The following ESRP1 variants were observed in gnomAD, a reference collection of about 807,000 sequenced individuals.
ESRP1 encodes the protein epithelial splicing regulatory protein 1, also known as RNA-binding motif protein 35A.
A neutral mutation model predicts 81.7 loss-of-function variants in ESRP1; 33 were observed. The ratio of observed to expected loss-of-function variants is 0.40; its 90% CI spans 0.31 to 0.54. The LOEUF (loss-of-function observed/expected upper bound fraction) is 0.54, where lower values mean the gene tolerates loss of function less well. Ranked by LOEUF, ESRP1 falls within the 20% of genes least tolerant of loss-of-function variation. The pLI is 0.41. For missense variants in ESRP1, 672 were observed against 833.1 expected (o/e 0.81, Z 2.38); for synonymous variants, 320 against 303.3 (o/e 1.06, Z -0.57).
chr8:94,706,051 T>C lies in ESRP1; in HGVS notation c.*162T>C. On this transcript the variant is annotated 3_prime_UTR_variant, in exon 16 of 16. Transcript: ENST00000433389. ...AAACTTGATTGGACAAACGGGCCTG[T>C]GCCTTATCTTTTGGTGGAGTGAAAA... is the stretch of plus-strand genomic sequence containing the variant. The C allele has an allele frequency of 2.5e-6, 3 of 1,176,778 alleles. No homozygotes were observed. The highest frequency in any genetic ancestry group is 2.4e-6 in the Non-Finnish European group (2 of 847,410). The allele number at this position is 1,176,778 out of a possible 1,614,324, so 72.9% of individuals were successfully genotyped here. A position where few individuals can be genotyped will look rare whatever the true frequency, so the allele number is the denominator to read the frequency against.
chr8:94,646,435 T>C, intron 4 of ESRP1, 153 bp downstream of exon 4: 1 of 537,816 alleles, frequency 1.9e-6, no homozygotes, highest in Non-Finnish European at 3.3e-6. Context: ...TAAAATACAA[T>C]TATAGACATC....
chr8:94,683,278 A>G (rs1431612801), intron 13 of ESRP1, among the ~76,000 whole-genome samples: 2 of 152,096 alleles, frequency 1.3e-5, no homozygotes, highest in Non-Finnish European at 2.9e-5. Context: ...TGTATGTGTT[A>G]CTAAACACAT....
intron 13 of ESRP1, among the ~76,000 whole-genome samples, chr8:94,685,947 T>C (rs1478195761): frequency 1.3e-5 from 2 of 152,232 alleles, no homozygotes; most frequent in East Asian, 3.9e-4. Flanking sequence ...ACTTAATACC[T>C]ATATATGTTG....
intron 4 of ESRP1, 79 bp from the exon 5 acceptor site, chr8:94,662,193 G>A: frequency 1.2e-6 from 1 of 841,488 alleles, no homozygotes. Flanking sequence ...CTTCCTCTTG[G>A]CTTGGTATAG....
intron 13 of ESRP1, chr8:94,688,314 T>A (rs1454226891): frequency 2.0e-5 from 4 of 199,704 alleles, no homozygotes; most frequent in Admixed American, 5.2e-5. Flanking sequence ...CTTAGAAGGC[T>A]GTGCCCAGTG....
intron 15 of ESRP1, among the ~76,000 whole-genome samples, chr8:94,702,758 T>C (rs1433409199): frequency 6.6e-6 from 1 of 152,052 alleles, no homozygotes; most frequent in Non-Finnish European, 1.5e-5. Context: ...GCTGGGATTA[T>C]AGGTGTGAGC....
chr8:94,662,592 C>CT lies in ESRP1; in HGVS notation c.644+39dup, dbSNP rs777006375. ...AGTACTATTTATTTGAGCTTTTTAA[C>CT]TTGTTTTTTTTTTTTGTCTGTTTGT... On this transcript the variant is annotated intron_variant, in intron 6 of 15. Coordinates refer to ENST00000433389, the MANE Select transcript of ESRP1 (RefSeq NM_017697.4). The CT allele has an allele frequency of 3.4e-4, 463 of 1,366,154 alleles. No individual in the cohort carries two copies. The East Asian group carries it at 6.6e-3, about 19-fold the overall frequency. 84.6% of individuals were successfully genotyped at this position (1,366,154 alleles called of 1,614,324 possible). A position where few individuals can be genotyped will look rare whatever the true frequency, so the allele number is the denominator to read the frequency against.
chr8:94,681,197 G>A (rs1223988847), intron 13 of ESRP1, among the ~76,000 whole-genome samples: 1 of 151,634 alleles, frequency 6.6e-6, no homozygotes, highest in Admixed American at 6.6e-5. Flanking sequence ...GTGGTGATGG[G>A]TGCCTATAGT....
chr8:94,700,538 T>C (rs549631230), intron 15 of ESRP1, among the ~76,000 whole-genome samples: 10 of 152,348 alleles, frequency 6.6e-5, no homozygotes, highest in Admixed American at 2.6e-4. Context: ...AGTTTCTCAT[T>C]CCTGGCCTCC....
At chr8:94,643,882 G>A (rs1463409268) in intron 3 of ESRP1, among the ~76,000 whole-genome samples, 1 of 151,946 alleles carries the variant, frequency 6.6e-6, no homozygotes, top group Non-Finnish European at 1.5e-5. Flanking sequence ...TCCTAGAAAG[G>A]AAGGAAAAAA....
chr8:94,691,795 T>G (rs1328246020), intron 13 of ESRP1, among the ~76,000 whole-genome samples: 1 of 152,210 alleles, frequency 6.6e-6, no homozygotes, highest in Non-Finnish European at 1.5e-5. Flanking sequence ...ATATTACTCT[T>G]TAGGCTGATG....
chr8:94,666,581 T>G (rs1819026715), intron 9 of ESRP1, among the ~76,000 whole-genome samples: 1 of 152,212 alleles, frequency 6.6e-6, no homozygotes, highest in Admixed American at 6.5e-5. Context: ...ACATTTGTAT[T>G]CCTACATTAC....
chr8:94,702,793 C>T (rs1259755981), intron 15 of ESRP1, among the ~76,000 whole-genome samples: 2 of 152,078 alleles, frequency 1.3e-5, no homozygotes, highest in Non-Finnish European at 2.9e-5. Flanking sequence ...TTCAAGTGAG[C>T]CTTTTACCTT....
intron 13 of ESRP1, among the ~76,000 whole-genome samples, chr8:94,691,009 ATCTAAC>A (rs1395170642): frequency 2.6e-5 from 4 of 152,208 alleles, no homozygotes; most frequent in Non-Finnish European, 5.9e-5. Context: ...TTGAGAAATT[ATCTAAC>A]TCTTAGTTTC....
In ESRP1 at chr8:94,660,744, C is replaced by A. The variant is rs28799730; in HGVS notation, c.491-1528C>A. ...AAAAAAAAAAAAAAAAAAAAAAAAA[C>A]CAAAACAAACAAACAAACAAAAAAC... On this transcript the variant is annotated intron_variant, in intron 4 of 15. Transcript: ENST00000433389. Among the ~76,000 whole-genome samples, 181 of 62,586 alleles carry A rather than the reference C, an allele frequency of 2.9e-3. 1 individual carries two copies. Among genetic ancestry groups the A allele is most frequent in the African/African-American group, 6.7e-3 (130 of 19,428 alleles). The allele number at this position is 62,586 out of a possible 152,430, so 41.1% of individuals were successfully genotyped here.
intron 15 of ESRP1, among the ~76,000 whole-genome samples, chr8:94,700,430 G>C (rs1355369497): frequency 6.6e-6 from 1 of 152,222 alleles, no homozygotes; most frequent in East Asian, 1.9e-4. Context: ...GAGAGCTGTT[G>C]ACACAGCCCA....
chr8:94,700,009 T>C (rs2130736115), intron 15 of ESRP1, among the ~76,000 whole-genome samples: 1 of 152,266 alleles, frequency 6.6e-6, no homozygotes, highest in South Asian at 2.1e-4. Context: ...AGACCCACCA[T>C]AACCCTGCAA....
chr8:94,665,193 G>T lies in ESRP1; in HGVS notation c.928G>T (p.Gly310Cys). Residue 310 changes from glycine (G) to cysteine (C), a missense_variant, in exon 9 of 16, where the codon GGT becomes TGT. Coordinates refer to ENST00000433389, the MANE Select transcript of ESRP1 (RefSeq NM_017697.4). ...AGGTGAAGATTTCCTTAAAATTGCT[G>T]GTGGTAAGTGCCTTTTACATAATGT... ...ATGEDFLKIA[G>C]GTSNEVAQFL... 6.2e-7 allele frequency: 1 copy of T among 1,612,392 alleles called. No homozygotes were observed. Among genetic ancestry groups the T allele is most frequent in the Non-Finnish European group, 8.5e-7 (1 of 1,179,248 alleles).
Position 94,662,221 on chromosome 8 carries a change from A to G in ESRP1, c.491-51A>G, listed in dbSNP as rs577003082. The G allele has an allele frequency of 2.4e-4, 275 of 1,162,348 alleles. 1 individual carries two copies. In the East Asian group the frequency reaches 6.5e-3, roughly 28 times the overall value. The allele number at this position is 1,162,348 out of a possible 1,614,324, so 72.0% of individuals were successfully genotyped here. A position where few individuals can be genotyped will look rare whatever the true frequency, so the allele number is the denominator to read the frequency against. Reference sequence around the variant, plus strand: ...TGGTATAGGTTTAATTTTGATTTAGAAGTAACCTGATTTTACCTTTCCAAA... The same window carrying G: ...TGGTATAGGTTTAATTTTGATTTAGGAGTAACCTGATTTTACCTTTCCAAA... On this transcript the variant is annotated intron_variant, in intron 4 of 15. Transcript: ENST00000433389.
Sources: gnomAD v4.1 joint callset for allele counts (sites outside exome capture counted in the v4.1 genomes callset) on GRCh38, gnomAD v4.1.1 for gene constraint, MANE v1.5 for transcripts, NCBI Gene and HGNC (gene_info 2026-07-23, HGNC 2026-07-21) for gene names.